Variants in SYNPR observed in about 807,000 individuals in gnomAD.
SYNPR encodes synaptoporin.
Under a neutral mutation model 32.9 loss-of-function variants are expected in SYNPR, and 23 were observed. That is an observed-to-expected ratio of 0.70 (90% CI 0.50 to 0.99). The LOEUF (loss-of-function observed/expected upper bound fraction) is 0.99, where lower values mean the gene tolerates loss of function less well. Among genes scored for constraint, SYNPR ranks in the 50% least tolerant of loss-of-function variants. SYNPR has a pLI of 0.00. For missense variants in SYNPR, 318 were observed against 349.3 expected, an observed-to-expected ratio of 0.91 and a Z score of 0.71; for synonymous variants, 146 against 135.9, an observed-to-expected ratio of 1.07 and a Z score of -0.52.
intron 3 of SYNPR, among the ~76,000 whole-genome samples, chr3:63,533,313 G>A (rs1702142188): frequency 6.8e-6 from 1 of 146,088 alleles, no homozygotes; most frequent in African/African-American, 2.8e-5. Context: ...TCCCTTGGAA[G>A]AGAGCTCTGG....
chr3:63,265,161 A>T (rs79140849), intron 2 of SYNPR, among the ~76,000 whole-genome samples: 11,888 of 151,858 alleles, frequency 0.078, 1,335 homozygotes, highest in African/African-American at 0.25. Context: ...AAGATATATG[A>T]GTCTTTCAAA....
chr3:63,284,936 G>T (rs776490350), intron 2 of SYNPR, among the ~76,000 whole-genome samples: 12 of 152,172 alleles, frequency 7.9e-5, no homozygotes, highest in Non-Finnish European at 1.8e-4. Context: ...GAGGCTCAAA[G>T]ATGTTAACCA....
At chr3:63,219,430 A>G in the SYNPR span, among the ~76,000 whole-genome samples, 119,708 of 152,082 alleles carry the variant, frequency 0.79, 47,644 homozygotes, top group Middle Eastern at 0.87. Flanking sequence ...CTTCTATTTG[A>G]TATGGGAAAC....
chr3:63,556,693 C>T lies in SYNPR; in HGVS notation c.360C>T (p.Tyr120=). ...FLYSLAATVV[Y]IFFQNKYREN... ...ACTCTTTGGCTGCCACTGTCGTTTA[C>T]ATTTTCTTCCAGAACAAATACCGGG... is the stretch of plus-strand genomic sequence containing the variant. Residue 120 remains tyrosine, a synonymous_variant, in exon 4 of 6, where the codon TAC becomes TAT. Transcript: ENST00000478300. The T allele has an allele frequency of 6.3e-7, 1 of 1,592,124 alleles. No homozygotes were observed. The highest frequency in any genetic ancestry group is 8.6e-7 in the Non-Finnish European group (1 of 1,166,068).
At chr3:63,416,278 C>T (rs1220511039) in intron 2 of SYNPR, among the ~76,000 whole-genome samples, 1 of 152,156 alleles carries the variant, frequency 6.6e-6, no homozygotes, top group Non-Finnish European at 1.5e-5. Flanking sequence ...CGCCTGTAAT[C>T]CCAGCACTTT....
At chr3:63,291,620 G>T (rs1173582761) in intron 2 of SYNPR, among the ~76,000 whole-genome samples, 2 of 151,990 alleles carry the variant, frequency 1.3e-5, no homozygotes, top group Non-Finnish European at 2.9e-5. Context: ...TGAAGCAGTT[G>T]AAAGCAAAGC....
chr3:63,468,807 A>T (rs1700737809), intron 2 of SYNPR, among the ~76,000 whole-genome samples: 1 of 152,128 alleles, frequency 6.6e-6, no homozygotes, highest in Non-Finnish European at 1.5e-5. Context: ...TCTCAAAAAC[A>T]TACAAACAAA....
At chr3:63,428,023 AT>A (rs1209510493) in intron 2 of SYNPR, among the ~76,000 whole-genome samples, 1 of 152,176 alleles carries the variant, frequency 6.6e-6, no homozygotes, top group Non-Finnish European at 1.5e-5. Flanking sequence ...CTGTCTGCTC[AT>A]TTAATTTCCT....
At chr3:63,300,574 G>C (rs2106940814) in intron 2 of SYNPR, among the ~76,000 whole-genome samples, 1 of 152,130 alleles carries the variant, frequency 6.6e-6, no homozygotes, top group Admixed American at 6.6e-5. Context: ...CCAAAAGGTA[G>C]TCCCTGCTCT....
chr3:63,615,310 A>G lies in SYNPR; in HGVS notation c.687A>G (p.Arg229=), dbSNP rs1203363536. ...CCGGCTGGCATTCTTCGGGACAGAG[A>G]TATCTTTCAGATCCAATGGAGAAGC... The part of the protein sequence containing the change: ...KETGWHSSGQ[R]YLSDPMEKHS... The change falls in exon 6 of 6, where the codon AGA becomes AGG. Residue 229 remains arginine (R), a synonymous_variant. Transcript: ENST00000478300. 1 of 1,613,900 alleles carries G rather than the reference A, an allele frequency of 6.2e-7. No individual in the cohort carries two copies.
At chr3:63,609,383 C>T (rs1700167729) in intron 5 of SYNPR, 67 bp downstream of exon 5, 3 of 1,368,974 alleles carry the variant, frequency 2.2e-6, no homozygotes, top group Non-Finnish European at 9.6e-7. Context: ...ATAAGAAAAA[C>T]ATCTCAGAAG....
At chr3:63,548,193 T>C (rs1235059491) in intron 3 of SYNPR, among the ~76,000 whole-genome samples, 1 of 152,178 alleles carries the variant, frequency 6.6e-6, no homozygotes, top group Non-Finnish European at 1.5e-5. Context: ...GACTTGAGCA[T>C]AATGGAGAAG....
chr3:63,481,729 C>T (rs961322467), intron 3 of SYNPR, among the ~76,000 whole-genome samples: 2 of 152,096 alleles, frequency 1.3e-5, no homozygotes, highest in Admixed American at 1.3e-4. Context: ...TGGAAGTGGA[C>T]GTGCAAGTGC....
In SYNPR at chr3:63,553,139, G is replaced by C. The variant is rs577081978; in HGVS notation, c.210-3404G>C. Among the ~76,000 whole-genome samples the C allele has an allele frequency of 2.0e-5, 3 of 152,174 alleles. No homozygotes were observed. In the South Asian group the frequency reaches 6.2e-4, roughly 32 times the overall value. On this transcript the variant is annotated intron_variant, in intron 3 of 5. Coordinates refer to ENST00000478300, the MANE Select transcript of SYNPR (RefSeq NM_001130003.2). ...CAGTGTCTGTTGTTCCCATGTTTAC[G>C]TCTGTGTGTGCTTCATGTTTAGCTC...
At chr3:63,480,769 A>G in intron 2 of SYNPR, 63 bp from the exon 3 acceptor site, 1 of 1,572,998 alleles carries the variant, frequency 6.4e-7, no homozygotes, top group Non-Finnish European at 8.7e-7. Flanking sequence ...TCCTTTTGAT[A>G]TATCTCATTA....
intron 2 of SYNPR, among the ~76,000 whole-genome samples, chr3:63,418,913 C>T (rs558907328): frequency 1.3e-5 from 2 of 152,196 alleles, no homozygotes; most frequent in South Asian, 4.2e-4. Context: ...AGAATTTAGG[C>T]CCAGGAGCTA....
At position 63,311,887 on chromosome 3, in the gene SYNPR, G is replaced by A. The variant is rs576295985; in HGVS notation, c.84+33145G>A. On this transcript the variant is annotated intron_variant, in intron 2 of 5. Coordinates refer to ENST00000478300, the MANE Select transcript of SYNPR (RefSeq NM_001130003.2). ...AGCAAAACATAGAGGAGAGAACCTT[G>A]AGTAGGAATTAGGAGACCTAAGACA... Among the ~76,000 whole-genome samples, 6 of 152,048 alleles carry A rather than the reference G, an allele frequency of 3.9e-5. No homozygotes were observed. In the East Asian group the frequency reaches 7.8e-4, roughly 20 times the overall value.
intron 2 of SYNPR, among the ~76,000 whole-genome samples, chr3:63,302,503 C>T (rs2106942883): frequency 6.6e-6 from 1 of 152,142 alleles, no homozygotes; most frequent in African/African-American, 2.4e-5. Context: ...TATTAGTAGG[C>T]CTGACTCCAA....
intron 2 of SYNPR, among the ~76,000 whole-genome samples, chr3:63,460,240 A>G (rs1305589095): frequency 1.3e-5 from 2 of 152,074 alleles, no homozygotes; most frequent in Non-Finnish European, 2.9e-5. Context: ...TCCAGATTAT[A>G]TCTTCCTGTA....
Sources: allele counts gnomAD v4.1 joint callset (sites outside exome capture counted in the v4.1 genomes callset), GRCh38; gene constraint gnomAD v4.1.1; transcripts MANE v1.5; gene names NCBI Gene and HGNC (gene_info 2026-07-23, HGNC 2026-07-21).